The following CDH20 variants were observed in gnomAD, a reference collection of about 807,000 sequenced individuals.
The protein encoded by CDH20 is cadherin-20.
A neutral mutation model predicts 74.2 loss-of-function variants in CDH20; 29 were observed. That is an observed-to-expected ratio of 0.39 (90% CI 0.29 to 0.53). CDH20 has a LOEUF of 0.53. Ranked by LOEUF, CDH20 falls within the 20% of genes least tolerant of loss-of-function variation. The pLI is 0.69. For synonymous variants in CDH20, 469 were observed against 405.4 expected, an observed-to-expected ratio of 1.16 and a Z score of -1.88; for missense variants, 988 against 1,048.3, an observed-to-expected ratio of 0.94 and a Z score of 0.79.
At chr18:61,541,444 G>A (rs1019331114) in intron 9 of CDH20, among the ~76,000 whole-genome samples, 1 of 152,062 alleles carries the variant, frequency 6.6e-6, no homozygotes, top group Non-Finnish European at 1.5e-5. Context: ...GAGTAGGAGA[G>A]GTTGCATTCT....
At chr18:61,354,607 T>A (rs150400203) in intron 1 of CDH20, among the ~76,000 whole-genome samples, 42 of 150,918 alleles carry the variant, frequency 2.8e-4, no homozygotes, top group Non-Finnish European at 5.2e-4. Flanking sequence ...AAACTTCATC[T>A]CAAAATAAAT....
intron 11 of CDH20, 50 bp downstream of exon 11, chr18:61,550,279 C>T (rs1014393823): frequency 1.1e-5 from 18 of 1,581,750 alleles, no homozygotes; most frequent in Non-Finnish European, 1.5e-5. Context: ...AGTGCGCACT[C>T]AGACATTTGT....
chr18:61,367,956 A>C (rs1910912577), intron 1 of CDH20, among the ~76,000 whole-genome samples: 1 of 152,010 alleles, frequency 6.6e-6, no homozygotes, highest in African/African-American at 2.4e-5. Context: ...TCTTCTTATA[A>C]GGACACCAGT....
At chr18:61,405,073 A>G (rs1388810002) in intron 1 of CDH20, 2 of 670,930 alleles carry the variant, frequency 3.0e-6, no homozygotes, top group African/African-American at 1.8e-5. Flanking sequence ...AGAATGACCA[A>G]TTTTGCTTTG....
At chr18:61,530,382 ATTAAAG>A (rs1912597469) in intron 7 of CDH20, among the ~76,000 whole-genome samples, 1 of 152,214 alleles carries the variant, frequency 6.6e-6, no homozygotes, top group Non-Finnish European at 1.5e-5. Flanking sequence ...TATTTTTCAT[ATTAAAG>A]TTACTTTCTT....
At chr18:61,418,276 C>T (rs1201480954) in intron 1 of CDH20, among the ~76,000 whole-genome samples, 1 of 152,120 alleles carries the variant, frequency 6.6e-6, no homozygotes, top group Non-Finnish European at 1.5e-5. Flanking sequence ...ACATCCTGGC[C>T]GGGCGTGGTG....
intron 1 of CDH20, among the ~76,000 whole-genome samples, chr18:61,339,986 G>T (rs1004644722): frequency 4.6e-5 from 7 of 151,922 alleles, no homozygotes; most frequent in Non-Finnish European, 1.0e-4. Context: ...CACTGAGCCC[G>T]GCCAGGTCAT....
At chr18:61,354,230 A>G (rs1910416080) in intron 1 of CDH20, among the ~76,000 whole-genome samples, 1 of 152,004 alleles carries the variant, frequency 6.6e-6, no homozygotes, top group Non-Finnish European at 1.5e-5. Flanking sequence ...ACACCATTCT[A>G]CTTTTCCAAC....
intron 6 of CDH20, among the ~76,000 whole-genome samples, chr18:61,510,188 C>G (rs983725863): frequency 6.6e-6 from 1 of 151,894 alleles, no homozygotes; most frequent in African/African-American, 2.4e-5. Flanking sequence ...TTCCAAGGGA[C>G]TGAGCATAGA....
chr18:61,513,787 G>T (rs1321035852), intron 6 of CDH20, among the ~76,000 whole-genome samples: 2 of 152,094 alleles, frequency 1.3e-5, no homozygotes, highest in East Asian at 3.9e-4. Flanking sequence ...ATGAAATTCT[G>T]GGTTGAAAAT....
At chr18:61,371,318 C>G (rs1018342054) in intron 1 of CDH20, among the ~76,000 whole-genome samples, 3 of 151,934 alleles carry the variant, frequency 2.0e-5, no homozygotes, top group African/African-American at 7.2e-5. Flanking sequence ...TCCTACTGAA[C>G]AAAAAATTAA....
At chr18:61,472,830 T>G (rs1910231661) in intron 1 of CDH20, among the ~76,000 whole-genome samples, 1 of 152,216 alleles carries the variant, frequency 6.6e-6, no homozygotes, top group African/African-American at 2.4e-5. Context: ...GAGCAGTTGG[T>G]GTGGAACATG....
rs528176978 is a variant in CDH20, at chr18:61,378,524, G to T, written c.-153+44697G>T. 9.2e-5 allele frequency among the ~76,000 whole-genome samples: 14 copies of T among 152,180 alleles called. No individual in the cohort carries two copies. In the South Asian group the frequency reaches 2.7e-3, roughly 29 times the overall value. On this transcript the variant is annotated intron_variant, in intron 1 of 11. Transcript: ENST00000262717. ...AGCAAGCTGCTGTACTCAGTCTACG[G>T]GCTCAGATTTTAATCTCATCCAGAA...
At chr18:61,481,901 T>C (rs1053299237) in intron 1 of CDH20, among the ~76,000 whole-genome samples, 2 of 152,076 alleles carry the variant, frequency 1.3e-5, no homozygotes, top group Non-Finnish European at 2.9e-5. Flanking sequence ...CTATGAACTA[T>C]CAAGCATATT....
chr18:61,381,118 T>A (rs1251079527), intron 1 of CDH20, among the ~76,000 whole-genome samples: 1 of 152,214 alleles, frequency 6.6e-6, no homozygotes, highest in African/African-American at 2.4e-5. Flanking sequence ...TGCTTACCTA[T>A]GTGCTTATTT....
chr18:61,427,766 T>A (rs1307556662), intron 1 of CDH20, among the ~76,000 whole-genome samples: 1 of 152,238 alleles, frequency 6.6e-6, no homozygotes, highest in Non-Finnish European at 1.5e-5. Flanking sequence ...CTAAACTGCA[T>A]GATCTCTAGA....
intron 1 of CDH20, among the ~76,000 whole-genome samples, chr18:61,342,801 T>A (rs1012013687): frequency 1.3e-5 from 2 of 152,186 alleles, no homozygotes; most frequent in East Asian, 3.8e-4. Context: ...TGTAGATAGT[T>A]CCCATGGTTA....
At chr18:61,548,631 T>C (rs959834653) in intron 10 of CDH20, among the ~76,000 whole-genome samples, 1 of 152,238 alleles carries the variant, frequency 6.6e-6, no homozygotes, top group Admixed American at 6.5e-5. Context: ...CTCAGTGGCT[T>C]AGCACAACTA....
rs1439255967 is a variant in CDH20 at position 61,490,423 on chromosome 18, G to A, written c.-131G>A. 3 of 862,118 alleles carry A rather than the reference G, an allele frequency of 3.5e-6. No homozygotes were observed. In the African/African-American group the frequency reaches 5.1e-5, roughly 15 times the overall value. The allele number at this position is 862,118 out of a possible 1,614,324, so 53.4% of individuals were successfully genotyped here. On this transcript the variant is annotated 5_prime_UTR_variant, in exon 2 of 12. Transcript: ENST00000262717. ...ACAGGAAGTCAACTTCAAGCAGATT[G>A]ACTTGAAACGGGATCTCATTTAGGA...
Sources: gnomAD v4.1 joint callset for allele counts (sites outside exome capture counted in the v4.1 genomes callset) on GRCh38, gnomAD v4.1.1 for gene constraint, MANE v1.5 for transcripts, NCBI Gene and HGNC (gene_info 2026-07-23, HGNC 2026-07-21) for gene names.